Variants in USP34 observed in about 807,000 individuals in gnomAD.
USP34 encodes ubiquitin specific peptidase 34, also known as ubiquitin carboxyl-terminal hydrolase 34.
USP34 carries 70 observed loss-of-function variants against 460.3 expected under a neutral mutation model. The observed-to-expected ratio is 0.15, with a 90% confidence interval of 0.13 to 0.19. USP34 has a LOEUF of 0.19. USP34 is among the 10% of genes least tolerant of loss of function. The probability of loss-of-function intolerance (pLI) is 1.00; values close to 1 mark genes in which losing one functional copy is unlikely to be tolerated. For missense variants in USP34, 3,985 were observed against 4,236.2 expected (o/e 0.94, Z 1.65); for synonymous variants, 1,647 against 1,405.3 (o/e 1.17, Z -3.85).
chr2:61,422,910 G>A (rs892539551), intron 1 of USP34, among the ~76,000 whole-genome samples: 1 of 152,120 alleles, frequency 6.6e-6, no homozygotes, highest in Admixed American at 6.5e-5. Context: ...TGAGGTGGAA[G>A]GATCACTCGA....
intron 44 of USP34, among the ~76,000 whole-genome samples, chr2:61,258,619 G>C (rs980344159): frequency 1.3e-5 from 2 of 152,132 alleles, no homozygotes; most frequent in African/African-American, 4.8e-5. Flanking sequence ...AATGGAGAGG[G>C]ATAAGATAGG....
At chr2:61,384,698 A>T (rs1165290226) in intron 5 of USP34, among the ~76,000 whole-genome samples, 1 of 152,130 alleles carries the variant, frequency 6.6e-6, no homozygotes, top group East Asian at 1.9e-4. Flanking sequence ...AAAAAATAAA[A>T]TACATGAATT....
intron 67 of USP34, among the ~76,000 whole-genome samples, chr2:61,214,970 T>C (rs1687358060): frequency 6.6e-6 from 1 of 152,204 alleles, no homozygotes; most frequent in Non-Finnish European, 1.5e-5. Flanking sequence ...TGCAGAATTT[T>C]CCCACTTTAT....
At chr2:61,390,030 AAC>A (rs1693294410) in intron 5 of USP34, among the ~76,000 whole-genome samples, 1 of 152,184 alleles carries the variant, frequency 6.6e-6, no homozygotes, top group African/African-American at 2.4e-5. Flanking sequence ...TCTGATATTA[AAC>A]AGTCTTTGCT....
At chr2:61,369,980 A>AT (rs199996220) in intron 10 of USP34, among the ~76,000 whole-genome samples, 16 of 104,858 alleles carry the variant, frequency 1.5e-4, no homozygotes, top group South Asian at 4.8e-4. Context: ...ATATATGCCT[A>AT]TTTAAAAAAA....
intron 1 of USP34, among the ~76,000 whole-genome samples, chr2:61,457,763 T>C (rs1695480368): frequency 6.6e-6 from 1 of 152,046 alleles, no homozygotes; most frequent in Non-Finnish European, 1.5e-5. Flanking sequence ...TGGGAGGCTC[T>C]TTTGAGCCCA....
chr2:61,217,954 C>T (rs1001801023), intron 67 of USP34, among the ~76,000 whole-genome samples: 4 of 150,874 alleles, frequency 2.7e-5, no homozygotes, highest in African/African-American at 9.8e-5. Flanking sequence ...GACTCCATCT[C>T]GAAAGAAAAT....
chr2:61,258,762 T>C (rs1370142820), intron 44 of USP34, among the ~76,000 whole-genome samples: 1 of 152,184 alleles, frequency 6.6e-6, no homozygotes, highest in Non-Finnish European at 1.5e-5. Flanking sequence ...TTACTATCTT[T>C]TTAAAAGATT....
intron 15 of USP34, among the ~76,000 whole-genome samples, chr2:61,347,421 T>G (rs566041321): frequency 3.3e-5 from 5 of 152,178 alleles, no homozygotes; most frequent in Non-Finnish European, 7.3e-5. Context: ...TTGCCCAGGA[T>G]GGAGTGCAGT....
chr2:61,307,751 A>G (rs1690457740), intron 27 of USP34, among the ~76,000 whole-genome samples: 1 of 150,650 alleles, frequency 6.6e-6, no homozygotes, highest in Admixed American at 6.6e-5. Flanking sequence ...TTTATTAGAA[A>G]GAAGGGTCTG....
At chr2:61,309,542 T>TA (rs1279514017) in intron 27 of USP34, among the ~76,000 whole-genome samples, 1 of 152,198 alleles carries the variant, frequency 6.6e-6, no homozygotes, top group African/African-American at 2.4e-5. Context: ...TTCTCTATGT[T>TA]ACAAAAGAAT....
intron 1 of USP34, among the ~76,000 whole-genome samples, chr2:61,440,899 G>A (rs1009040638): frequency 2.6e-5 from 4 of 151,914 alleles, no homozygotes; most frequent in East Asian, 2.0e-4. Context: ...AGGCCGAGAC[G>A]GGTGGATCAT....
intron 27 of USP34, among the ~76,000 whole-genome samples, chr2:61,303,842 G>A (rs528688197): frequency 3.3e-5 from 5 of 151,738 alleles, no homozygotes; most frequent in East Asian, 2.0e-4. Context: ...TGATCTGCCC[G>A]CCTCGGCCTC....
intron 74 of USP34, 94 bp from the exon 75 acceptor site, chr2:61,203,357 T>A (rs995183087): frequency 1.7e-6 from 2 of 1,190,288 alleles, no homozygotes; most frequent in African/African-American, 3.2e-5. Context: ...AAAAGCTGAT[T>A]CAATATTTAT....
chr2:61,204,682 A>ATTT, intron 72 of USP34, 81 bp from the exon 73 acceptor site: 1 of 1,103,992 alleles, frequency 9.1e-7, no homozygotes, highest in Non-Finnish European at 1.4e-6. Flanking sequence ...AAATCCTATG[A>ATTT]TTGCCTCACT....
chr2:61,240,907 T>C (rs939869417), intron 53 of USP34, among the ~76,000 whole-genome samples: 2 of 152,142 alleles, frequency 1.3e-5, no homozygotes, highest in South Asian at 2.1e-4. Context: ...TCAATTACAA[T>C]GCATGCTTGA....
intron 75 of USP34, among the ~76,000 whole-genome samples, chr2:61,198,600 G>C (rs1285127528): frequency 1.3e-5 from 2 of 150,592 alleles, no homozygotes; most frequent in African/African-American, 4.9e-5. Flanking sequence ...GCTGGGTGCA[G>C]TGGTTCATGC....
At chr2:61,363,294 AT>A (rs1028032724) in intron 10 of USP34, among the ~76,000 whole-genome samples, 2 of 152,178 alleles carry the variant, frequency 1.3e-5, no homozygotes, top group Admixed American at 6.5e-5. Flanking sequence ...GTGCAAAACA[AT>A]TTGGTGCCTT....
At chr2:61,267,270 A>T (rs35522020) in intron 41 of USP34, among the ~76,000 whole-genome samples, 17,955 of 152,174 alleles carry the variant, frequency 0.12, 1,238 homozygotes, top group Non-Finnish European at 0.15. Context: ...GTGAATCAAC[A>T]AACCTGGGGG....
Sources: allele counts gnomAD v4.1 joint callset (sites outside exome capture counted in the v4.1 genomes callset), GRCh38; gene constraint gnomAD v4.1.1; transcripts MANE v1.5; gene names NCBI Gene and HGNC (gene_info 2026-07-23, HGNC 2026-07-21).